Variants in TMEM232 observed in about 807,000 individuals in gnomAD.
The protein encoded by TMEM232 is transmembrane protein 232.
In TMEM232, 80 loss-of-function variants were observed where a neutral mutation model predicts 78.8. The observed-to-expected ratio is 1.01, with a 90% CI of 0.85 to 1.22. TMEM232 has a LOEUF of 1.22. Among genes scored for constraint, TMEM232 ranks in the 50% most tolerant of loss-of-function variants. The pLI is 0.00. For missense variants in TMEM232, 881 were observed against 742.2 expected, an observed-to-expected ratio of 1.19 and a Z score of -2.17; for synonymous variants, 297 against 254.3, an observed-to-expected ratio of 1.17 and a Z score of -1.60.
intron 12 of TMEM232, 49 bp downstream of exon 12, chr5:110,528,539 T>C: frequency 7.1e-7 from 1 of 1,407,940 alleles, no homozygotes; most frequent in African/African-American, 1.5e-5. Context: ...TTCTGTGATT[T>C]TGAATTGTAA....
intron 11 of TMEM232, among the ~76,000 whole-genome samples, chr5:110,538,767 T>C (rs1772726157): frequency 1.3e-5 from 2 of 151,556 alleles, no homozygotes. Flanking sequence ...TAATTACTAC[T>C]GAGGAGCCCC....
intron 13 of TMEM232, among the ~76,000 whole-genome samples, chr5:110,423,165 A>C (rs1366857487): frequency 1.3e-5 from 2 of 152,158 alleles, no homozygotes; most frequent in African/African-American, 2.4e-5. Flanking sequence ...CCATCCTCCC[A>C]CTTCTAATTC....
intron 8 of TMEM232, among the ~76,000 whole-genome samples, chr5:110,610,997 A>G (rs1782203685): frequency 6.6e-6 from 1 of 152,178 alleles, no homozygotes; most frequent in South Asian, 2.1e-4. Context: ...GGAAAATCCT[A>G]GTGTTAAATG....
intron 12 of TMEM232, among the ~76,000 whole-genome samples, chr5:110,513,186 A>AAC (rs1768049965): frequency 6.6e-6 from 1 of 152,196 alleles, no homozygotes; most frequent in Non-Finnish European, 1.5e-5. Flanking sequence ...TGAGTTATAT[A>AAC]TTACAAACCG....
At chr5:110,389,215 C>T (rs201780813) in intron 4 of TMEM232, among the ~76,000 whole-genome samples, 4 of 152,158 alleles carry the variant, frequency 2.6e-5, no homozygotes, top group East Asian at 1.9e-4. Flanking sequence ...GAGCCGAGAT[C>T]GCACTACTGC....
chr5:110,634,520 A>T (rs1478081785), intron 5 of TMEM232, among the ~76,000 whole-genome samples: 1 of 152,090 alleles, frequency 6.6e-6, no homozygotes, highest in African/African-American at 2.4e-5. Flanking sequence ...ATGAAACACA[A>T]CTGGAAATCA....
At chr5:110,717,729 G>A (rs1037065535) in intron 1 of TMEM232, among the ~76,000 whole-genome samples, 11 of 152,014 alleles carry the variant, frequency 7.2e-5, no homozygotes, top group Admixed American at 3.3e-4. Context: ...TGATAATGAG[G>A]GAGTTATCAG....
intron 10 of TMEM232, among the ~76,000 whole-genome samples, chr5:110,597,917 G>A (rs1030162519): frequency 4.6e-5 from 7 of 152,044 alleles, no homozygotes; most frequent in African/African-American, 1.7e-4. Flanking sequence ...AACCCTAGAA[G>A]AAACCTAGGC....
intron 1 of TMEM232, among the ~76,000 whole-genome samples, chr5:110,673,725 T>C (rs907845770): frequency 2.6e-5 from 4 of 152,150 alleles, no homozygotes; most frequent in African/African-American, 9.7e-5. Context: ...GAAGTTTTCG[T>C]GGATGGAAGC....
intron 12 of TMEM232, among the ~76,000 whole-genome samples, chr5:110,480,897 C>T (rs1005997955): frequency 6.6e-6 from 1 of 151,948 alleles, no homozygotes; most frequent in African/African-American, 2.4e-5. Flanking sequence ...AATAAACAAC[C>T]TACATTGAAT....
chr5:110,664,241 A>G (rs1435192518), intron 2 of TMEM232, among the ~76,000 whole-genome samples: 3 of 152,216 alleles, frequency 2.0e-5, no homozygotes, highest in Non-Finnish European at 2.9e-5. Flanking sequence ...AAAAATTTGG[A>G]AAATAATAAA....
At chr5:110,506,406 C>T (rs901869204) in intron 12 of TMEM232, among the ~76,000 whole-genome samples, 2 of 151,932 alleles carry the variant, frequency 1.3e-5, no homozygotes, top group African/African-American at 4.8e-5. Flanking sequence ...CATTTTACTC[C>T]CCAATAGAAT....
At chr5:110,719,225 GTGTA>G (rs1328707192) in intron 1 of TMEM232, among the ~76,000 whole-genome samples, 7 of 151,484 alleles carry the variant, frequency 4.6e-5, no homozygotes, top group Non-Finnish European at 8.8e-5. Context: ...ATGTATATAT[GTGTA>G]TATATACACA....
intron 2 of TMEM232, among the ~76,000 whole-genome samples, chr5:110,656,406 A>T (rs970916335): frequency 1.3e-5 from 2 of 151,764 alleles, no homozygotes; most frequent in African/African-American, 2.4e-5. Context: ...CCTTATGTTA[A>T]TTTTTTTTTG....
At chr5:110,601,435 A>G (rs1780882655) in intron 10 of TMEM232, among the ~76,000 whole-genome samples, 1 of 152,200 alleles carries the variant, frequency 6.6e-6, no homozygotes. Context: ...CCTCAAGCTG[A>G]TAAACAACTT....
At chr5:110,612,560 G>T (rs1282302253) in intron 8 of TMEM232, among the ~76,000 whole-genome samples, 5 of 152,112 alleles carry the variant, frequency 3.3e-5, no homozygotes, top group African/African-American at 1.2e-4. Flanking sequence ...GGATATCAGT[G>T]ATCTAGCTGA....
intron 2 of TMEM232, among the ~76,000 whole-genome samples, chr5:110,660,781 CAG>C (rs1789674198): frequency 2.0e-5 from 3 of 152,018 alleles, no homozygotes. Flanking sequence ...ATGATCAAAT[CAG>C]GGTAATTATA....
At chr5:110,512,178 T>A (rs571011884) in intron 12 of TMEM232, among the ~76,000 whole-genome samples, 1 of 152,356 alleles carries the variant, frequency 6.6e-6, no homozygotes, top group Non-Finnish European at 1.5e-5. Context: ...AATATTTTAT[T>A]GAAAGCTCCA....
At chr5:110,648,123 G>A (rs1787773741) in intron 2 of TMEM232, among the ~76,000 whole-genome samples, 2 of 151,884 alleles carry the variant, frequency 1.3e-5, no homozygotes, top group South Asian at 2.1e-4. Flanking sequence ...AGTCACAAAG[G>A]AAGAAATCCA....
Sources: allele counts gnomAD v4.1 joint callset (sites outside exome capture counted in the v4.1 genomes callset), GRCh38; gene constraint gnomAD v4.1.1; transcripts MANE v1.5; gene names NCBI Gene and HGNC (gene_info 2026-07-23, HGNC 2026-07-21).